Variants in RNASEK observed in about 807,000 individuals in gnomAD.
RNASEK encodes the protein ribonuclease kappa.
Under a neutral mutation model 11.2 loss-of-function variants are expected in RNASEK, and 7 were observed. That is an observed-to-expected ratio of 0.62 (90% confidence interval 0.35 to 1.17). The LOEUF is 1.17. Among genes scored for constraint, RNASEK ranks in the 50% most tolerant of loss-of-function variants. RNASEK has a pLI of 0.02. For missense variants in RNASEK, 101 were observed against 126.7 expected, an observed-to-expected ratio of 0.80 and a Z score of 0.97; for synonymous variants, 46 against 49.5, an observed-to-expected ratio of 0.93 and a Z score of 0.30.
chr17:7,012,811 C>T (rs759251025), intron 1 of RNASEK, 50 bp downstream of exon 1: 7 of 1,521,374 alleles, frequency 4.6e-6, no homozygotes, highest in South Asian at 2.3e-5. Context: ...GGGCTCCGGG[C>T]TGGGAGGGCT....
In RNASEK at chr17:7,014,071, T is replaced by C. The variant is rs1309508370; in HGVS notation, c.156-74T>C. 44 of 1,359,030 alleles carry C rather than the reference T, an allele frequency of 3.2e-5. No individual in the cohort carries two copies. Among genetic ancestry groups the C allele is most frequent in the Non-Finnish European group, 4.1e-5 (40 of 973,786 alleles). The allele number at this position is 1,359,030 out of a possible 1,614,324, so 84.2% of individuals were successfully genotyped here. A position where few individuals can be genotyped will look rare whatever the true frequency, so the allele number is the denominator to read the frequency against. ...ATACACGTAACAGCGCCTAAACAGGTGTCGGGCACATAGTGCTCAGAAAAT... is the reference window on the plus strand; with the variant it reads ...ATACACGTAACAGCGCCTAAACAGGCGTCGGGCACATAGTGCTCAGAAAAT... On this transcript the variant is annotated intron_variant, in intron 2 of 2. Transcript: ENST00000593646. This position sits in a 1 kb window ranked among gnomAD's most constrained non-coding sequence, Gnocchi z 4.5.
chr17:7,014,502 G>A lies in RNASEK; in HGVS notation c.*216G>A, dbSNP rs1909667204. Reference sequence around the variant, plus strand: ...GTTTCTCCACCCTTCGCTGTGTCCCGTATCTCAATAAAGAGAATCTGCTCT... The same window carrying A: ...GTTTCTCCACCCTTCGCTGTGTCCCATATCTCAATAAAGAGAATCTGCTCT... On this transcript the variant is annotated 3_prime_UTR_variant, in exon 3 of 3. Coordinates refer to ENST00000593646, the MANE Select transcript of RNASEK (RefSeq NM_001004333.5). This position sits in a 1 kb window ranked among gnomAD's most constrained non-coding sequence, Gnocchi z 4.5. The A allele has an allele frequency of 1.6e-6, 1 of 614,912 alleles. No homozygotes were observed. Among genetic ancestry groups the A allele is most frequent in the Non-Finnish European group, 2.9e-6 (1 of 350,234 alleles). The allele number at this position is 614,912 out of a possible 1,614,324, so 38.1% of individuals were successfully genotyped here. A position where few individuals can be genotyped will look rare whatever the true frequency, so the allele number is the denominator to read the frequency against.
At chr17:7,013,475 C>G (rs954006306) in intron 1 of RNASEK, 191 bp from the exon 2 acceptor site, 1 of 1,547,506 alleles carries the variant, frequency 6.5e-7, no homozygotes, top group African/African-American at 1.4e-5. Flanking sequence ...ACCCTTGCCT[C>G]GACCACTTGT....
intron 1 of RNASEK, 117 bp downstream of exon 1, chr17:7,012,878 C>G (rs1447780109): frequency 2.3e-6 from 2 of 856,656 alleles, no homozygotes; most frequent in African/African-American, 3.4e-5. Context: ...GATCTACAGG[C>G]CCCGGAGAAG....
rs1180161627 is a variant in RNASEK at position 7,012,644 on chromosome 17, G to A, written c.-40G>A. On this transcript the variant is annotated 5_prime_UTR_variant, in exon 1 of 3. Transcript: ENST00000593646. ...CCTGGGCTTTCTCCCACCGCTTTCCGAGCCCGCTTGCACCTCGGCGATCCC... is the reference window on the plus strand; with the variant it reads ...CCTGGGCTTTCTCCCACCGCTTTCCAAGCCCGCTTGCACCTCGGCGATCCC... 3.7e-6 allele frequency: 6 copies of A among 1,609,118 alleles called. No individual in the cohort carries two copies. The Admixed American group carries it at 8.4e-5, about 22-fold the overall frequency.
Position 7,012,755 on chromosome 17 carries a change from C to G in RNASEK, c.72C>G (p.Ile24Met). 1 of 1,612,764 alleles carries G rather than the reference C, an allele frequency of 6.2e-7. No individual in the cohort carries two copies. ...CGIVLSAWGV[I>M]MLIMLGIFFN... ...TCGTCCTCAGCGCCTGGGGAGTGATCATGTTGGTGAGGGGACTCCCCGGCA... is the reference window on the plus strand; with the variant it reads ...TCGTCCTCAGCGCCTGGGGAGTGATGATGTTGGTGAGGGGACTCCCCGGCA... Residue 24 changes from isoleucine (I) to methionine (M), a missense_variant, in exon 1 of 3, where the codon ATC (isoleucine) becomes ATG (methionine). By Grantham distance (10) the Ile-to-Met change is conservative. Transcript: ENST00000593646.
In RNASEK at chr17:7,014,261, A is replaced by AGCGCAAGGAATACATGGT. The variant is rs1194193687; in HGVS notation, c.277_294dup (p.Lys93_Arg98dup). 1 of 1,613,752 alleles carries AGCGCAAGGAATACATGGT rather than the reference A, an allele frequency of 6.2e-7. No individual in the cohort carries two copies. The highest frequency in any genetic ancestry group is 8.5e-7 in the Non-Finnish European group (1 of 1,179,810). Reference sequence around the variant, plus strand: ...TCTTTCTGCCAAGTTCGGCTCAATAAGCGCAAGGAATACATGGTGCGCTAG... The same window carrying AGCGCAAGGAATACATGGT: ...TCTTTCTGCCAAGTTCGGCTCAATAAGCGCAAGGAATACATGGTGCGCAAGGAATACATGGTGCGCTAG... On this transcript the variant is annotated inframe_insertion, in exon 3 of 3. Coordinates refer to ENST00000593646, the MANE Select transcript of RNASEK (RefSeq NM_001004333.5). The surrounding 1 kb of genome is among the most constrained non-coding windows in gnomAD (Gnocchi z 4.5).
chr17:7,013,199 C>T (rs868321482), intron 1 of RNASEK: 2 of 682,074 alleles, frequency 2.9e-6, no homozygotes, highest in Middle Eastern at 4.2e-4. Context: ...AAGGTGGAGA[C>T]CCCTCAAGGT....
Position 7,014,437 on chromosome 17 carries a change from C to T in RNASEK, c.*151C>T, listed in dbSNP as rs753705674. On this transcript the variant is annotated 3_prime_UTR_variant, in exon 3 of 3. Coordinates refer to ENST00000593646, the MANE Select transcript of RNASEK (RefSeq NM_001004333.5). This position sits in a 1 kb window ranked among gnomAD's most constrained non-coding sequence, Gnocchi z 4.5. ...GAATCCCTTCTCCCATCTCTGGCAT[C>T]CGGCCCCCGTGGAGAGGGCTGAGGC... is the stretch of plus-strand genomic sequence containing the variant. The T allele has an allele frequency of 4.5e-5, 36 of 806,504 alleles. 1 individual carries two copies. In the South Asian group the frequency reaches 6.1e-4, roughly 14 times the overall value. The allele number at this position is 806,504 out of a possible 1,614,324, so 50.0% of individuals were successfully genotyped here.
chr17:7,014,221 C>T lies in RNASEK; in HGVS notation c.232C>T (p.Leu78Phe), dbSNP rs1909644295. 6.2e-7 allele frequency: 1 copy of T among 1,611,616 alleles called. No homozygotes were observed. The highest frequency in any genetic ancestry group is 8.5e-7 in the Non-Finnish European group (1 of 1,178,806). ...NCFIAAGLYLLLGGFSFCQVR... is the reference protein window; with the variant it reads ...NCFIAAGLYLFLGGFSFCQVR... ...TTTCATCGCTGCAGGCCTTTACCTC[C>T]TCCTCGGAGGCTTCTCTTTCTGCCA... The change falls in exon 3 of 3, where the codon CTC becomes TTC. Residue 78 changes from leucine (L) to phenylalanine (F), a missense_variant. Leu to Phe is a conservative substitution (Grantham distance 22). Transcript: ENST00000593646. The surrounding 1 kb of genome is among the most constrained non-coding windows in gnomAD (Gnocchi z 4.5).
At position 7,014,432 on chromosome 17, in the gene RNASEK, G is replaced by A. The variant is rs1597332794; in HGVS notation, c.*146G>A. On this transcript the variant is annotated 3_prime_UTR_variant, in exon 3 of 3. Coordinates refer to ENST00000593646, the MANE Select transcript of RNASEK (RefSeq NM_001004333.5). The surrounding 1 kb of genome is among the most constrained non-coding windows in gnomAD (Gnocchi z 4.5). ...AGACTGAATCCCTTCTCCCATCTCT[G>A]GCATCCGGCCCCCGTGGAGAGGGCT... 1.2e-6 allele frequency: 1 copy of A among 827,958 alleles called. No individual in the cohort carries two copies. Among genetic ancestry groups the A allele is most frequent in the South Asian group, 1.7e-5 (1 of 57,902 alleles). The allele number at this position is 827,958 out of a possible 1,614,324, so 51.3% of individuals were successfully genotyped here. A position where few individuals can be genotyped will look rare whatever the true frequency, so the allele number is the denominator to read the frequency against.
At chr17:7,013,153 C>A (rs1204915414) in intron 1 of RNASEK, 2 of 513,978 alleles carry the variant, frequency 3.9e-6, no homozygotes, top group East Asian at 7.3e-5. Context: ...GGAACTGGAG[C>A]GGAGGGCCCT....
chr17:7,012,889 G>A (rs1225325548), intron 1 of RNASEK, 128 bp downstream of exon 1: 2 of 753,426 alleles, frequency 2.7e-6, no homozygotes, highest in Non-Finnish European at 4.2e-6. Flanking sequence ...CCCGGAGAAG[G>A]AGACAGACTG....
chr17:7,013,483 T>C (rs758892765), intron 1 of RNASEK, 183 bp from the exon 2 acceptor site: 2 of 1,555,218 alleles, frequency 1.3e-6, no homozygotes, highest in South Asian at 2.3e-5. Flanking sequence ...CTCGACCACT[T>C]GTCTCAATGT....
chr17:7,013,584 A>G, intron 1 of RNASEK, 82 bp from the exon 2 acceptor site: 2 of 1,603,270 alleles, frequency 1.2e-6, no homozygotes, highest in South Asian at 1.1e-5. Context: ...TGTTGTAGCA[A>G]CATTGGAAAT....
Position 7,014,477 on chromosome 17 carries a change from G to A in RNASEK, c.*191G>A. On this transcript the variant is annotated 3_prime_UTR_variant, in exon 3 of 3. Coordinates refer to ENST00000593646, the MANE Select transcript of RNASEK (RefSeq NM_001004333.5). The surrounding 1 kb of genome is among the most constrained non-coding windows in gnomAD (Gnocchi z 4.5). ...AGGGCTGAGGCTGGGGGGCTGTTCC[G>A]TTTCTCCACCCTTCGCTGTGTCCCG... 2 of 532,002 alleles carry A rather than the reference G, an allele frequency of 3.8e-6. No homozygotes were observed. Among genetic ancestry groups the A allele is most frequent in the Non-Finnish European group, 6.3e-6 (2 of 317,646 alleles). 33.0% of individuals were successfully genotyped at this position (532,002 alleles called of 1,614,324 possible).
chr17:7,013,830 T>C, intron 2 of RNASEK, 88 bp downstream of exon 2: 2 of 1,055,532 alleles, frequency 1.9e-6, no homozygotes, highest in South Asian at 2.5e-5. Flanking sequence ...GGCCCGGTGC[T>C]TAGGGCCCCT....
At chr17:7,013,259 A>G (rs1229531834) in intron 1 of RNASEK, 2 of 1,276,018 alleles carry the variant, frequency 1.6e-6, no homozygotes, top group Non-Finnish European at 2.1e-6. Flanking sequence ...TGAATGGAGG[A>G]CATGGGAGGA....
chr17:7,012,835 A>G (rs1384506838), intron 1 of RNASEK, 74 bp downstream of exon 1: 10 of 1,409,324 alleles, frequency 7.1e-6, no homozygotes, highest in Non-Finnish European at 8.8e-6. Context: ...AGGCGAGGAA[A>G]CTCTGGGCCG....
Sources: allele counts gnomAD v4.1 joint callset, GRCh38; gene constraint gnomAD v4.1.1; non-coding constraint Gnocchi (gnomAD v3.1); transcripts MANE v1.5; gene names NCBI Gene and HGNC (gene_info 2026-07-23, HGNC 2026-07-21).